PTPRD: variants seen among roughly 807,000 people sequenced by gnomAD.
PTPRD encodes protein tyrosine phosphatase receptor type D.
In PTPRD, 34 loss-of-function variants were observed where a neutral mutation model predicts 214.5. That is an observed-to-expected ratio of 0.16 (90% confidence interval 0.12 to 0.21). The LOEUF is 0.21. Ranked by LOEUF, PTPRD falls within the 10% of genes least tolerant of loss-of-function variation. The pLI is 1.00. For synonymous variants in PTPRD, 1,128 were observed against 845.7 expected (o/e 1.33, Z -5.79); for missense variants, 2,545 against 2,398.7 (o/e 1.06, Z -1.27).
intron 9 of PTPRD, among the ~76,000 whole-genome samples, chr9:9,203,352 G>C (rs2099942997): frequency 6.6e-6 from 1 of 152,076 alleles, no homozygotes; most frequent in South Asian, 2.1e-4. Context: ...AGTAGAGCTT[G>C]GACTTTATTC....
intron 12 of PTPRD, among the ~76,000 whole-genome samples, chr9:8,724,485 C>A (rs1278942568): frequency 6.6e-6 from 1 of 152,162 alleles, no homozygotes; most frequent in African/African-American, 2.4e-5. Context: ...GGCCTCCCTC[C>A]AAAGAATTTT....
Position 8,923,652 on chromosome 9 carries a change from A to G in PTPRD, c.-104+95045T>C, listed in dbSNP as rs115394671. On this transcript the variant is annotated intron_variant, in intron 11 of 45. Transcript: ENST00000381196. ...AAAGTTACTCAGAGCCCTTTAAATA[A>G]TAAGTTTAACAATCTTAAATCTCTT... Among the ~76,000 whole-genome samples, 790 of 152,330 alleles carry G rather than the reference A, an allele frequency of 5.2e-3. 7 individuals carry two copies. The highest frequency in any genetic ancestry group is 0.018 in the African/African-American group (762 of 41,574).
intron 4 of PTPRD, among the ~76,000 whole-genome samples, chr9:9,974,177 G>A (rs2095264101): frequency 6.6e-6 from 1 of 152,126 alleles, no homozygotes; most frequent in Non-Finnish European, 1.5e-5. Flanking sequence ...GATTTGTTTT[G>A]TTGTATGTGA....
chr9:8,389,102 C>T, intron 37 of PTPRD, 130 bp downstream of exon 37: 1 of 659,404 alleles, frequency 1.5e-6, no homozygotes, highest in Admixed American at 3.4e-5. Flanking sequence ...TGTTGATGCC[C>T]ATTCATAATT....
At chr9:10,065,191 G>GAAAGAAAGAAAGAAAGAAAGAAAGAAAGA (rs1555538041) in intron 3 of PTPRD, among the ~76,000 whole-genome samples, 1 of 151,154 alleles carries the variant, frequency 6.6e-6, no homozygotes, top group African/African-American at 2.4e-5. Context: ...AAGAAAGAAA[G>GAAAGAAAGAAAGAAAGAAAGAAAGAAAGA]AAAAGGATGC....
chr9:10,052,392 G>A (rs2097549941), intron 3 of PTPRD, among the ~76,000 whole-genome samples: 1 of 152,154 alleles, frequency 6.6e-6, no homozygotes, highest in African/African-American at 2.4e-5. Flanking sequence ...GATGTGCTAA[G>A]AGTTGGAATT....
chr9:8,871,808 T>A, intron 11 of PTPRD, among the ~76,000 whole-genome samples: 1 of 152,116 alleles, frequency 6.6e-6, no homozygotes, highest in East Asian at 1.9e-4. Flanking sequence ...TTAACTTAAT[T>A]CAAAATTTCG....
intron 3 of PTPRD, among the ~76,000 whole-genome samples, chr9:10,113,090 C>T (rs974306062): frequency 6.6e-6 from 1 of 152,156 alleles, no homozygotes; most frequent in African/African-American, 2.4e-5. Context: ...AGTCTCAGCA[C>T]TCACTTTTAT....
chr9:9,265,068 G>T (rs1439675300), intron 9 of PTPRD, among the ~76,000 whole-genome samples: 1 of 151,696 alleles, frequency 6.6e-6, no homozygotes, highest in Non-Finnish European at 1.5e-5. Context: ...ACAAATGGAT[G>T]CTATTAGTAA....
rs1021385070 is a variant in PTPRD, at chr9:9,443,813, A to C, written c.-236-46331T>G. ...TCTGGAGGTCCTGGTCCTCAGTATC[A>C]GTAAAAAAGATGATGCTTTAAGCTG... On this transcript the variant is annotated intron_variant, in intron 8 of 45. Coordinates refer to ENST00000381196, the MANE Select transcript of PTPRD (RefSeq NM_002839.4). 2.0e-5 allele frequency among the ~76,000 whole-genome samples: 3 copies of C among 152,332 alleles called. No homozygotes were observed. The East Asian group carries it at 5.8e-4, about 29-fold the overall frequency.
Position 10,228,039 on chromosome 9 carries a change from T to C in PTPRD, c.-545+112924A>G, listed in dbSNP as rs1040001433. Among the ~76,000 whole-genome samples the C allele has an allele frequency of 2.0e-5, 3 of 152,014 alleles. 1 individual carries two copies. The highest frequency in any genetic ancestry group is 7.2e-5 in the African/African-American group (3 of 41,428). The stretch of plus-strand genomic sequence containing the variant: ...TCTGGCTGTAATATAGGTGGTCATT[T>C]GTTACACATTTTAGGCCCATTATGA... On this transcript the variant is annotated intron_variant, in intron 3 of 45. Coordinates refer to ENST00000381196, the MANE Select transcript of PTPRD (RefSeq NM_002839.4).
chr9:9,841,020 G>C (rs1397027344), intron 5 of PTPRD, among the ~76,000 whole-genome samples: 1 of 152,086 alleles, frequency 6.6e-6, no homozygotes, highest in Non-Finnish European at 1.5e-5. Context: ...GCAGGAAGTT[G>C]TTGTGAGGGG....
rs192940622 is a variant in PTPRD at position 9,398,439 on chromosome 9, G to C, written c.-236-957C>G. 1.3e-3 allele frequency among the ~76,000 whole-genome samples: 193 copies of C among 152,072 alleles called. 1 individual carries two copies. Among genetic ancestry groups the C allele is most frequent in the Admixed American group, 0.012 (177 of 15,232 alleles). ...CCAGAAGATTCTAGTTGAGCTAAAG[G>C]AGACAATTTATTTAGTGTATAGATA... On this transcript the variant is annotated intron_variant, in intron 8 of 45. Coordinates refer to ENST00000381196, the MANE Select transcript of PTPRD (RefSeq NM_002839.4).
intron 4 of PTPRD, among the ~76,000 whole-genome samples, chr9:9,972,702 T>C (rs939006676): frequency 6.6e-6 from 1 of 152,174 alleles, no homozygotes; most frequent in Admixed American, 6.5e-5. Context: ...CTGGAGGTCC[T>C]GAGGGGACAG....
In PTPRD at chr9:8,816,755, T is replaced by C. The variant is rs1486288299; in HGVS notation, c.-103-82809A>G. On this transcript the variant is annotated intron_variant, in intron 11 of 45. Coordinates refer to ENST00000381196, the MANE Select transcript of PTPRD (RefSeq NM_002839.4). ...AACATGTTAAATTACTCAAGTTCAG[T>C]CTTTTTACATAAACAAAAGCCTCTT... 3.3e-5 allele frequency among the ~76,000 whole-genome samples: 5 copies of C among 152,336 alleles called. No homozygotes were observed. In the East Asian group the frequency reaches 9.7e-4, roughly 29 times the overall value.
At chr9:9,275,199 T>A (rs1348617003) in intron 9 of PTPRD, among the ~76,000 whole-genome samples, 4 of 10,398 alleles carry the variant, frequency 3.8e-4, no homozygotes, top group Non-Finnish European at 7.0e-4. Context: ...TATATATATA[T>A]TATATATATA....
chr9:10,543,846 A>G (rs73396249), intron 2 of PTPRD, among the ~76,000 whole-genome samples: 14,320 of 152,216 alleles, frequency 0.094, 833 homozygotes, highest in African/African-American at 0.15. Flanking sequence ...AAATACAGAT[A>G]GGGTTTGAAC....
chr9:9,199,684 G>T (rs911008901), intron 9 of PTPRD, among the ~76,000 whole-genome samples: 3 of 152,028 alleles, frequency 2.0e-5, no homozygotes, highest in Non-Finnish European at 4.4e-5. Flanking sequence ...TATGCCTAGA[G>T]TCACAGAGCA....
intron 11 of PTPRD, among the ~76,000 whole-genome samples, chr9:8,914,191 T>C (rs983256380): frequency 2.6e-5 from 4 of 152,212 alleles, no homozygotes; most frequent in African/African-American, 7.2e-5. Flanking sequence ...TTGTTTTCAA[T>C]AATTTTAATG....
Sources: gnomAD v4.1 joint callset for allele counts (sites outside exome capture counted in the v4.1 genomes callset) on GRCh38, gnomAD v4.1.1 for gene constraint, MANE v1.5 for transcripts, NCBI Gene and HGNC (gene_info 2026-07-23, HGNC 2026-07-21) for gene names.